Variants in SEL1L observed in about 807,000 individuals in gnomAD.
The protein encoded by SEL1L is protein sel-1 homolog 1.
SEL1L carries 52 observed loss-of-function variants against 109.8 expected under a neutral mutation model. The ratio of observed to expected loss-of-function variants is 0.47; its 90% CI spans 0.38 to 0.60. SEL1L has a LOEUF of 0.60. SEL1L is among the 20% of genes least tolerant of loss of function. The probability of loss-of-function intolerance (pLI) is 0.00; values close to 1 mark genes in which losing one functional copy is unlikely to be tolerated. For missense variants in SEL1L, 749 were observed against 962.2 expected (o/e 0.78, Z 2.93); for synonymous variants, 373 against 339.6 (o/e 1.10, Z -1.08).
chr14:81,498,278 C>A, intron 9 of SEL1L, 135 bp downstream of exon 9: 1 of 835,352 alleles, frequency 1.2e-6, no homozygotes. Flanking sequence ...ACTTCTGAAC[C>A]TCAACTAGTT....
intron 3 of SEL1L, among the ~76,000 whole-genome samples, chr14:81,526,183 A>G (rs1309960792): frequency 6.6e-6 from 1 of 152,198 alleles, no homozygotes; most frequent in African/African-American, 2.4e-5. Context: ...ATTAATATTT[A>G]GAAGACTATT....
At chr14:81,518,869 C>T (rs1255293594) in intron 3 of SEL1L, among the ~76,000 whole-genome samples, 5 of 152,026 alleles carry the variant, frequency 3.3e-5, no homozygotes, top group Admixed American at 2.6e-4. Flanking sequence ...TATAAAGATG[C>T]CTTGGCCAAT....
At chr14:81,484,429 T>TA (rs745368385) in intron 18 of SEL1L, 32 bp from the exon 19 acceptor site, 9 of 1,583,632 alleles carry the variant, frequency 5.7e-6, no homozygotes, top group African/African-American at 1.3e-5. Context: ...GAACTGCCAA[T>TA]AAATAAAGTA....
chr14:81,510,508 C>CTATATA (rs1341079977), intron 3 of SEL1L, among the ~76,000 whole-genome samples: 75 of 116,420 alleles, frequency 6.4e-4, no homozygotes, highest in East Asian at 2.5e-3. Flanking sequence ...CTCTCTCTCT[C>CTATATA]TCTCTCTATA....
intron 10 of SEL1L, among the ~76,000 whole-genome samples, chr14:81,495,688 G>C (rs1883718104): frequency 6.6e-6 from 1 of 152,100 alleles, no homozygotes; most frequent in African/African-American, 2.4e-5. Flanking sequence ...TGTAATCCCA[G>C]CACTTTTGGA....
At chr14:81,502,416 T>C (rs920858196) in intron 6 of SEL1L, among the ~76,000 whole-genome samples, 56 of 152,142 alleles carry the variant, frequency 3.7e-4, no homozygotes, top group African/African-American at 1.3e-3. Flanking sequence ...TTTGGAAAAA[T>C]GCAATGGTGA....
At chr14:81,495,246 C>A in intron 10 of SEL1L, 109 bp from the exon 11 acceptor site, 5 of 885,772 alleles carry the variant, frequency 5.6e-6, no homozygotes, top group African/African-American at 3.4e-5. Context: ...GTTCATGACT[C>A]AAAAAACAAA....
Position 81,499,655 on chromosome 14 carries a change from C to G in SEL1L, c.785G>C (p.Gly262Ala). ...EGSPKGQTAL[G>A]FLYASGLGVN... ...ACCAAGTCCAGAGGCATACAGAAAG[C>G]CAAGAGCCTGAAATAGATGATAAAA... Residue 262 changes from glycine (G) to alanine (A), a missense_variant, in exon 7 of 21, where the codon GGC becomes GCC. Coordinates refer to ENST00000336735, the MANE Select transcript of SEL1L (RefSeq NM_005065.6). 3.1e-6 allele frequency: 5 copies of G among 1,606,690 alleles called. 1 individual carries two copies. The South Asian group carries it at 5.6e-5, about 18-fold the overall frequency.
rs927725748 is a variant in SEL1L at position 81,473,933 on chromosome 14, C to T, written c.*3039G>A. 4.0e-5 allele frequency: 6 copies of T among 151,854 alleles called. No individual in the cohort carries two copies. The highest frequency in any genetic ancestry group is 1.2e-4 in the African/African-American group (5 of 41,412). The allele number at this position is 151,854 out of a possible 1,614,324, so 9.4% of individuals were successfully genotyped here. A position where few individuals can be genotyped will look rare whatever the true frequency, so the allele number is the denominator to read the frequency against. On this transcript the variant is annotated 3_prime_UTR_variant, in exon 21 of 21. Coordinates refer to ENST00000336735, the MANE Select transcript of SEL1L (RefSeq NM_005065.6). ...TACTTAAGTTTCCTGGAGGCATCAA[C>T]GGCTCTTTAAATAAATCATCAGATC...
chr14:81,488,132 T>C (rs1395887861), intron 14 of SEL1L, among the ~76,000 whole-genome samples, 190 bp from the exon 15 acceptor site: 3 of 152,132 alleles, frequency 2.0e-5, no homozygotes, highest in African/African-American at 7.2e-5. Flanking sequence ...ATATTTAAGG[T>C]GGTGAAGAAA....
chr14:81,492,288 G>C (rs1883570945), intron 12 of SEL1L, among the ~76,000 whole-genome samples, 192 bp downstream of exon 12: 1 of 152,182 alleles, frequency 6.6e-6, no homozygotes, highest in Non-Finnish European at 1.5e-5. Context: ...ACCGCGCCTG[G>C]CTGCAAACAC....
intron 8 of SEL1L, 101 bp downstream of exon 8, chr14:81,499,358 C>T: frequency 6.6e-7 from 1 of 1,517,936 alleles, no homozygotes; most frequent in African/African-American, 1.4e-5. Flanking sequence ...GGTCTTAATA[C>T]AAGCAAATCT....
rs755855968 is a variant in SEL1L, at chr14:81,479,726, C to T, written c.2061G>A (p.Ala687=). ...CAGCTGCCATGTCATAAAAACGTTT[C>T]GCAAGGTGAATATCCTATAATACAG... ...GLGIKQDIHL[A]KRFYDMAAEA... The change falls in exon 20 of 21, where the codon GCG becomes GCA. Residue 687 remains alanine (A), a synonymous_variant. Transcript: ENST00000336735. The T allele has an allele frequency of 1.6e-5, 26 of 1,613,180 alleles. No homozygotes were observed. The highest frequency in any genetic ancestry group is 4.4e-5 in the South Asian group (4 of 90,890).
At chr14:81,498,318 T>C (rs775888148) in intron 9 of SEL1L, 95 bp downstream of exon 9, 15 of 1,072,176 alleles carry the variant, frequency 1.4e-5, no homozygotes, top group Non-Finnish European at 2.0e-5. Flanking sequence ...AAGAGCCATT[T>C]ATAATACTTC....
chr14:81,496,770 G>A (rs572074079), intron 10 of SEL1L, among the ~76,000 whole-genome samples: 9 of 152,218 alleles, frequency 5.9e-5, no homozygotes, highest in African/African-American at 1.9e-4. Context: ...CAATGAAAAG[G>A]TAAATTTGAA....
intron 14 of SEL1L, 164 bp downstream of exon 14, chr14:81,489,088 G>A (rs1016278057): frequency 6.2e-5 from 42 of 672,932 alleles, no homozygotes; most frequent in Non-Finnish European, 1.0e-4. Context: ...GGTGTCTGTC[G>A]GGTATGGGGT....
chr14:81,519,716 C>T (rs1356721886), intron 3 of SEL1L, among the ~76,000 whole-genome samples: 1 of 151,756 alleles, frequency 6.6e-6, no homozygotes, highest in Admixed American at 6.5e-5. Flanking sequence ...ATAGTAAACA[C>T]TTTGGTTCAG....
At position 81,480,314 on chromosome 14, in the gene SEL1L, C is replaced by G. The variant is rs185369583; in HGVS notation, c.2047-574G>C. 2.2e-4 allele frequency among the ~76,000 whole-genome samples: 34 copies of G among 152,236 alleles called. No homozygotes were observed. In the South Asian group the frequency reaches 6.8e-3, roughly 31 times the overall value. The stretch of plus-strand genomic sequence containing the variant: ...ACGCCATTCTCCTGCCTCAGCTTCC[C>G]GAGTAGCTGGGACTACAGGTGCCTG... On this transcript the variant is annotated intron_variant, in intron 19 of 20. Coordinates refer to ENST00000336735, the MANE Select transcript of SEL1L (RefSeq NM_005065.6).
chr14:81,489,214 C>CTGCTCAT (rs1883449817), intron 14 of SEL1L, 38 bp downstream of exon 14: 2 of 1,567,644 alleles, frequency 1.3e-6, no homozygotes, highest in African/African-American at 2.7e-5. Flanking sequence ...CTCCAGCTGA[C>CTGCTCAT]TGCTCATTAA....
Sources: allele counts gnomAD v4.1 joint callset (sites outside exome capture counted in the v4.1 genomes callset), GRCh38; gene constraint gnomAD v4.1.1; transcripts MANE v1.5; gene names NCBI Gene and HGNC (gene_info 2026-07-23, HGNC 2026-07-21).